Variants in SMYD3 observed in about 807,000 individuals in gnomAD.
SMYD3 encodes histone-lysine N-methyltransferase SMYD3.
SMYD3 carries 36 observed loss-of-function variants against 57.7 expected under a neutral mutation model. That is an observed-to-expected ratio of 0.62 (90% confidence interval 0.48 to 0.82). The LOEUF (loss-of-function observed/expected upper bound fraction) is 0.82, where lower values mean the gene tolerates loss of function less well. Ranked by LOEUF, SMYD3 falls within the 40% of genes least tolerant of loss-of-function variation. The pLI is 0.00. For synonymous variants in SMYD3, 211 were observed against 195.0 expected (o/e 1.08, Z -0.68); for missense variants, 515 against 538.8 (o/e 0.96, Z 0.44).
Position 246,101,064 on chromosome 1 carries a change from GTTTTTTGTTTTTTTTTTTTTTTT to G in SMYD3, c.532-171150_532-171128del, listed in dbSNP as rs1310093919. Among the ~76,000 whole-genome samples, 10 of 78,564 alleles carry G rather than the reference GTTTTTTGTTTTTTTTTTTTTTTT, an allele frequency of 1.3e-4. No individual in the cohort carries two copies. In the Admixed American group the frequency reaches 1.3e-3, roughly 10 times the overall value. 51.5% of individuals were successfully genotyped at this position (78,564 alleles called of 152,430 possible). The stretch of plus-strand genomic sequence containing the variant: ...TCACTAGTAATATGTATTTTTAGGG[GTTTTTTGTTTTTTTTTTTTTTTT>G]TTTTTTTTTTTTTACAGAGTAAGAC... On this transcript the variant is annotated intron_variant, in intron 5 of 11. Transcript: ENST00000490107.
intron 5 of SMYD3, chr1:246,193,774 G>C (rs967467886): frequency 2.2e-4 from 33 of 152,368 alleles, no homozygotes; most frequent in African/African-American, 7.7e-4. Flanking sequence ...CAGTTCTTCC[G>C]AGCCGCAGAC....
At chr1:246,226,229 T>C (rs1004646926) in intron 5 of SMYD3, among the ~76,000 whole-genome samples, 12 of 152,216 alleles carry the variant, frequency 7.9e-5, no homozygotes, top group African/African-American at 2.7e-4. Flanking sequence ...CCCCTGTTAG[T>C]TGCTTCATAC....
At position 246,431,465 on chromosome 1, in the gene SMYD3, C is replaced by A. The variant is rs552562470; in HGVS notation, c.164+75589G>T. Among the ~76,000 whole-genome samples, 3 of 152,274 alleles carry A rather than the reference C, an allele frequency of 2.0e-5. No individual in the cohort carries two copies. In the East Asian group the frequency reaches 5.8e-4, roughly 29 times the overall value. On this transcript the variant is annotated intron_variant, in intron 1 of 11. Coordinates refer to ENST00000490107, the MANE Select transcript of SMYD3 (RefSeq NM_001167740.2). ...CAACTTTAGGCCAGGTGAGGTGGCTCACACCTGTAGTCCCAGCACTTTGGG... is the reference window on the plus strand; with the variant it reads ...CAACTTTAGGCCAGGTGAGGTGGCTAACACCTGTAGTCCCAGCACTTTGGG...
chr1:245,770,022 C>A (rs1048641058), intron 10 of SMYD3, among the ~76,000 whole-genome samples: 1 of 152,232 alleles, frequency 6.6e-6, no homozygotes, highest in Non-Finnish European at 1.5e-5. Context: ...AGAGGGCCAA[C>A]TGTATCTTCA....
intron 5 of SMYD3, among the ~76,000 whole-genome samples, chr1:246,193,338 G>A (rs1009794955): frequency 7.2e-5 from 11 of 152,292 alleles, no homozygotes; most frequent in East Asian, 5.8e-4. Flanking sequence ...GAAATAGTTC[G>A]ATGAAAAGAC....
intron 5 of SMYD3, among the ~76,000 whole-genome samples, chr1:245,936,601 T>A (rs1014065316): frequency 3.3e-5 from 5 of 152,170 alleles, no homozygotes; most frequent in Admixed American, 1.3e-4. Flanking sequence ...TTTAAAAATT[T>A]GTGTTGATTA....
At chr1:245,889,140 A>G (rs777762246) in intron 8 of SMYD3, among the ~76,000 whole-genome samples, 7 of 152,210 alleles carry the variant, frequency 4.6e-5, no homozygotes, top group Non-Finnish European at 1.0e-4. Flanking sequence ...AAAGTTAGGT[A>G]AGGTCAAACA....
At chr1:246,324,972 A>G (rs1275440085) in intron 5 of SMYD3, among the ~76,000 whole-genome samples, 15 of 123,476 alleles carry the variant, frequency 1.2e-4, no homozygotes, top group Middle Eastern at 3.9e-3. Context: ...TGAACAAGGA[A>G]GGAGAAGGAG....
At chr1:246,017,784 G>T (rs74531613) in intron 5 of SMYD3, among the ~76,000 whole-genome samples, 5,090 of 152,202 alleles carry the variant, frequency 0.033, 286 homozygotes, top group African/African-American at 0.12. Context: ...ACATTCCTCA[G>T]CAAACTTAGG....
intron 5 of SMYD3, among the ~76,000 whole-genome samples, chr1:246,195,555 T>C (rs2062817288): frequency 6.6e-6 from 1 of 152,146 alleles, no homozygotes; most frequent in African/African-American, 2.4e-5. Flanking sequence ...TCCTAGACCA[T>C]ATGACATGTT....
At chr1:246,496,556 G>A (rs1038768127) in intron 1 of SMYD3, among the ~76,000 whole-genome samples, 9 of 152,076 alleles carry the variant, frequency 5.9e-5, no homozygotes, top group Non-Finnish European at 1.0e-4. Flanking sequence ...GGCCAGATGC[G>A]GTAGCTCATG....
At chr1:246,406,035 C>T (rs554596752) in intron 1 of SMYD3, among the ~76,000 whole-genome samples, 1 of 151,902 alleles carries the variant, frequency 6.6e-6, no homozygotes, top group South Asian at 2.1e-4. Flanking sequence ...TAGGTTAAAT[C>T]GCTGCAACAG....
Position 246,462,157 on chromosome 1 carries a change from C to T in SMYD3, c.164+44897G>A, listed in dbSNP as rs185078410. Among the ~76,000 whole-genome samples the T allele has an allele frequency of 7.5e-4, 114 of 152,052 alleles. No homozygotes were observed. The Middle Eastern group carries it at 0.017, about 23-fold the overall frequency. ...TGTGGAAAGCCTAGCATTGTGAGTA[C>T]GGGCATGGCAAGAAGAATTCGCCTG... On this transcript the variant is annotated intron_variant, in intron 1 of 11. Transcript: ENST00000490107.
At chr1:246,414,616 T>C (rs2067028271) in intron 1 of SMYD3, among the ~76,000 whole-genome samples, 1 of 135,990 alleles carries the variant, frequency 7.4e-6, no homozygotes, top group Non-Finnish European at 1.7e-5. Context: ...CATATACACA[T>C]AAATGCACAC....
intron 5 of SMYD3, among the ~76,000 whole-genome samples, chr1:246,073,467 A>G (rs1277871748): frequency 6.6e-6 from 1 of 152,202 alleles, no homozygotes; most frequent in Non-Finnish European, 1.5e-5. Context: ...CTATAATCTC[A>G]GCACTTTGGG....
At chr1:245,872,562 C>A (rs762361355) in intron 8 of SMYD3, among the ~76,000 whole-genome samples, 1 of 152,250 alleles carries the variant, frequency 6.6e-6, no homozygotes, top group Admixed American at 6.5e-5. Flanking sequence ...AGCACTTGGG[C>A]AACCAGGGGC....
At chr1:245,991,333 AAAG>A (rs1166092919) in intron 5 of SMYD3, among the ~76,000 whole-genome samples, 1 of 152,212 alleles carries the variant, frequency 6.6e-6, no homozygotes, top group East Asian at 1.9e-4. Flanking sequence ...CCACAGCTTA[AAAG>A]TTATGTCGTT....
intron 1 of SMYD3, among the ~76,000 whole-genome samples, chr1:246,403,612 G>A (rs978651191): frequency 6.6e-6 from 1 of 152,120 alleles, no homozygotes; most frequent in African/African-American, 2.4e-5. Context: ...TATAAGAGAA[G>A]GTATAATCAG....
intron 2 of SMYD3, among the ~76,000 whole-genome samples, chr1:246,342,448 T>C (rs1193740375): frequency 6.6e-6 from 1 of 152,166 alleles, no homozygotes; most frequent in Non-Finnish European, 1.5e-5. Flanking sequence ...TAGTCCAATA[T>C]TGAATTACAG....
Sources: allele counts gnomAD v4.1 joint callset (sites outside exome capture counted in the v4.1 genomes callset), GRCh38; gene constraint gnomAD v4.1.1; transcripts MANE v1.5; gene names NCBI Gene and HGNC (gene_info 2026-07-23, HGNC 2026-07-21).